Variants in MSX1 observed in about 807,000 individuals in gnomAD.
MSX1 encodes homeobox protein MSX-1.
MSX1 carries 11 observed loss-of-function variants against 17.0 expected under a neutral mutation model. The observed-to-expected ratio is 0.65, with a 90% CI of 0.41 to 1.07. The LOEUF is 1.07. Among genes scored for constraint, MSX1 ranks in the 50% least tolerant of loss-of-function variants. The probability of loss-of-function intolerance (pLI) is 0.00; values close to 1 mark genes in which losing one functional copy is unlikely to be tolerated. For synonymous variants in MSX1, 253 were observed against 211.8 expected (o/e 1.19, Z -1.69); for missense variants, 477 against 440.1 (o/e 1.08, Z -0.75).
rs1276268035 is a variant in MSX1, at chr4:4,863,307, C to T, written c.*164C>T. 4.1e-6 allele frequency: 3 copies of T among 734,016 alleles called. No individual in the cohort carries two copies. Among genetic ancestry groups the T allele is most frequent in the Non-Finnish European group, 6.7e-6 (3 of 448,404 alleles). The allele number at this position is 734,016 out of a possible 1,614,324, so 45.5% of individuals were successfully genotyped here. On this transcript the variant is annotated 3_prime_UTR_variant, in exon 2 of 2. Coordinates refer to ENST00000382723, the MANE Select transcript of MSX1 (RefSeq NM_002448.3). ...CTGAGTTCACTCTCCGAAGTCTGAT[C>T]CCTGCCAAAAAGTGGCTGGAAGAGT... is the stretch of plus-strand genomic sequence containing the variant.
rs35396883 is a variant in MSX1 at position 4,860,964 on chromosome 4, G to T, written c.469+596G>T. ...GGCACCAAGTCAATTAGGGGAAGGC[G>T]CCCCCGCTAATCCTATGGGAAGCTC... On this transcript the variant is annotated intron_variant, in intron 1 of 1. Transcript: ENST00000382723. Among the ~76,000 whole-genome samples the T allele has an allele frequency of 3.7e-3, 570 of 152,338 alleles. 4 individuals are homozygous for T. The highest frequency in any genetic ancestry group is 0.013 in the African/African-American group (526 of 41,586).
In MSX1 at chr4:4,862,814, C is replaced by A; in HGVS notation, c.583C>A (p.Gln195Lys). Residue 195 changes from glutamine to lysine, a missense_variant, in exon 2 of 2, where the codon CAG (glutamine) becomes AAG (lysine). Physicochemically the swap from Gln to Lys is moderately conservative, Grantham distance 53. Around this residue, in one of 3 missense-constraint regions of MSX1, gnomAD observed 355 missense variants for 306.1 expected, o/e 1.16. Transcript: ENST00000382723. ...LALERKFRQK[Q>K]YLSIAERAEF... ...GCTGGAGCGCAAGTTCCGCCAGAAG[C>A]AGTACCTGTCCATCGCCGAGCGCGC... 6.2e-7 allele frequency: 1 copy of A among 1,613,756 alleles called. No individual in the cohort carries two copies. Among genetic ancestry groups the A allele is most frequent in the Non-Finnish European group, 8.5e-7 (1 of 1,180,006 alleles).
chr4:4,860,263 G>A lies in MSX1; in HGVS notation c.364G>A (p.Gly122Arg), dbSNP rs775617431. 1 of 1,595,462 alleles carries A rather than the reference G, an allele frequency of 6.3e-7. No individual in the cohort carries two copies. The highest frequency in any genetic ancestry group is 1.1e-5 in the South Asian group (1 of 90,256). The change falls in exon 1 of 2, where the codon GGA becomes AGA. Residue 122 changes from glycine (G) to arginine (R), a missense_variant. Physicochemically the swap from Gly to Arg is moderately radical, Grantham distance 125. Transcript: ENST00000382723. ...GCCGCTCGGCCATTTCTCGGTGGGG[G>A]GACTCCTCAAGCTGCCAGAAGATGC... ...PRPLGHFSVG[G>R]LLKLPEDALV... is the part of the protein sequence containing the mutation.
chr4:4,860,124 C>T lies in MSX1; in HGVS notation c.225C>T (p.Ala75=). 6.6e-7 allele frequency: 1 copy of T among 1,515,108 alleles called. No individual in the cohort carries two copies. Among genetic ancestry groups the T allele is most frequent in the Non-Finnish European group, 8.8e-7 (1 of 1,136,558 alleles). The allele number at this position is 1,515,108 out of a possible 1,614,324, so 93.9% of individuals were successfully genotyped here. A position where few individuals can be genotyped will look rare whatever the true frequency, so the allele number is the denominator to read the frequency against. ...ALMADHRKPG[A]KESALAPSEG... ...TGGCCGACCACAGGAAGCCGGGGGC[C>T]AAGGAGAGCGCCCTGGCGCCCTCCG... is the stretch of plus-strand genomic sequence containing the variant. The change falls in exon 1 of 2, where the codon GCC becomes GCT. Residue 75 remains alanine, a synonymous_variant. Transcript: ENST00000382723.
Position 4,859,812 on chromosome 4 carries a change from C to T in MSX1, c.-88C>T. 2 of 1,207,438 alleles carry T rather than the reference C, an allele frequency of 1.7e-6. No homozygotes were observed. Among genetic ancestry groups the T allele is most frequent in the Non-Finnish European group, 2.1e-6 (2 of 951,258 alleles). 74.8% of individuals were successfully genotyped at this position (1,207,438 alleles called of 1,614,324 possible). ...CCGCCCGGCCAGGGCCCCGGGCGCT[C>T]GCAGAGGCCGGCCGCGCTCCCAGCC... On this transcript the variant is annotated 5_prime_UTR_variant, in exon 1 of 2. Coordinates refer to ENST00000382723, the MANE Select transcript of MSX1 (RefSeq NM_002448.3).
At chr4:4,861,444 T>A (rs1430568888) in intron 1 of MSX1, among the ~76,000 whole-genome samples, 1 of 152,268 alleles carries the variant, frequency 6.6e-6, no homozygotes, top group African/African-American at 2.4e-5. Flanking sequence ...ATCCTGGTGG[T>A]CTGAAAGTCC....
rs1451616951 is a variant in MSX1 at position 4,860,090 on chromosome 4, A to G, written c.191A>G (p.Glu64Gly). 2 of 1,521,590 alleles carry G rather than the reference A, an allele frequency of 1.3e-6. No homozygotes were observed. Among genetic ancestry groups the G allele is most frequent in the Non-Finnish European group, 1.8e-6 (2 of 1,137,322 alleles). 94.3% of individuals were successfully genotyped at this position (1,521,590 alleles called of 1,614,324 possible). The change falls in exon 1 of 2, where the codon GAG becomes GGG. Residue 64 changes from glutamate to glycine, a missense_variant. Glu to Gly is a moderately conservative substitution (Grantham distance 98). Coordinates refer to ENST00000382723, the MANE Select transcript of MSX1 (RefSeq NM_002448.3). ...VSPSLLPFSV[E>G]ALMADHRKPG... Reference sequence around the variant, plus strand: ...CCTTCGCTCCTGCCCTTCAGCGTGGAGGCGCTCATGGCCGACCACAGGAAG... The same window carrying G: ...CCTTCGCTCCTGCCCTTCAGCGTGGGGGCGCTCATGGCCGACCACAGGAAG...
Position 4,860,288 on chromosome 4 carries a change from C to T in MSX1, c.389C>T (p.Ala130Val), listed in dbSNP as rs1737882662. The T allele has an allele frequency of 3.1e-6, 5 of 1,600,240 alleles. No individual in the cohort carries two copies. The highest frequency in any genetic ancestry group is 1.3e-5 in the African/African-American group (1 of 74,844). The change falls in exon 1 of 2, where the codon GCG becomes GTG. Residue 130 changes from alanine to valine, a missense_variant. Ala to Val is a moderately conservative substitution (Grantham distance 64, BLOSUM62 0). Around this residue, in one of 3 missense-constraint regions of MSX1, gnomAD observed 355 missense variants for 306.1 expected, o/e 1.16. Transcript: ENST00000382723. Reference protein sequence around the residue: ...VGGLLKLPEDALVKAESPEKP... With the variant: ...VGGLLKLPEDVLVKAESPEKP... ...GGACTCCTCAAGCTGCCAGAAGATG[C>T]GCTCGTCAAAGCCGAGAGCCCCGAG... is the stretch of plus-strand genomic sequence containing the variant.
chr4:4,860,658 G>GATCC (rs1737894468), intron 1 of MSX1, among the ~76,000 whole-genome samples: 2 of 152,210 alleles, frequency 1.3e-5, no homozygotes, highest in African/African-American at 4.8e-5. Flanking sequence ...AGGGGTCCAT[G>GATCC]ATCCCTCATC....
chr4:4,859,953 C>T lies in MSX1; in HGVS notation c.54C>T (p.Asp18=). ...TSLPLGVKVE[D]SAFGKPAGGG... ...TGCCACTCGGTGTCAAAGTGGAGGA[C>T]TCCGCCTTCGGCAAGCCGGCGGGGG... The change falls in exon 1 of 2, where the codon GAC becomes GAT. Residue 18 remains aspartate, a synonymous_variant. Coordinates refer to ENST00000382723, the MANE Select transcript of MSX1 (RefSeq NM_002448.3). 1 of 1,495,778 alleles carries T rather than the reference C, an allele frequency of 6.7e-7. No individual in the cohort carries two copies. The highest frequency in any genetic ancestry group is 8.9e-7 in the Non-Finnish European group (1 of 1,123,214). 92.7% of individuals were successfully genotyped at this position (1,495,778 alleles called of 1,614,324 possible).
Position 4,863,254 on chromosome 4 carries a change from C to T in MSX1, c.*111C>T. ...CCAGCCGCCTTCCCTTTAACCCTCA[C>T]ACTGCTCCAGTTTCACCTCTTTGCT... On this transcript the variant is annotated 3_prime_UTR_variant, in exon 2 of 2. Transcript: ENST00000382723. 1.8e-6 allele frequency: 2 copies of T among 1,138,592 alleles called. No individual in the cohort carries two copies. The highest frequency in any genetic ancestry group is 1.4e-5 in the South Asian group (1 of 71,988). The allele number at this position is 1,138,592 out of a possible 1,614,324, so 70.5% of individuals were successfully genotyped here.
Position 4,860,014 on chromosome 4 carries a change from A to C in MSX1, c.115A>C (p.Thr39Pro). Reference protein sequence around the residue: ...AGQAPSAAAATAAAMGADEEG... With the variant: ...AGQAPSAAAAPAAAMGADEEG... ...CCAGGCCCCCAGCGCCGCCGCGGCC[A>C]CGGCAGCCGCCATGGGCGCGGACGA... The change falls in exon 1 of 2, where the codon ACG (threonine) becomes CCG (proline). Residue 39 changes from threonine to proline, a missense_variant. Thr to Pro is a conservative substitution (Grantham distance 38). Around this residue, in one of 3 missense-constraint regions of MSX1, gnomAD observed 355 missense variants for 306.1 expected, o/e 1.16. Coordinates refer to ENST00000382723, the MANE Select transcript of MSX1 (RefSeq NM_002448.3). 5 of 1,498,962 alleles carry C rather than the reference A, an allele frequency of 3.3e-6. No homozygotes were observed. Among genetic ancestry groups the C allele is most frequent in the Non-Finnish European group, 4.4e-6 (5 of 1,125,408 alleles). 92.9% of individuals were successfully genotyped at this position (1,498,962 alleles called of 1,614,324 possible). A position where few individuals can be genotyped will look rare whatever the true frequency, so the allele number is the denominator to read the frequency against.
Position 4,863,737 on chromosome 4 carries a change from C to G in MSX1, c.*594C>G, listed in dbSNP as rs1165404425. ...GCAAAGGTAGGTTGAAGGGACCTCT[C>G]TCTTACCAGTACCAGAAACACAATT... is the stretch of plus-strand genomic sequence containing the variant. On this transcript the variant is annotated 3_prime_UTR_variant, in exon 2 of 2. Transcript: ENST00000382723. 1 of 150,044 alleles carries G rather than the reference C, an allele frequency of 6.7e-6. No homozygotes were observed. Among genetic ancestry groups the G allele is most frequent in the Non-Finnish European group, 1.5e-5 (1 of 67,714 alleles). 9.3% of individuals were successfully genotyped at this position (150,044 alleles called of 1,614,324 possible).
chr4:4,863,820 C>G lies in MSX1; in HGVS notation c.*677C>G, dbSNP rs1442213029. On this transcript the variant is annotated 3_prime_UTR_variant, in exon 2 of 2. Coordinates refer to ENST00000382723, the MANE Select transcript of MSX1 (RefSeq NM_002448.3). Reference sequence around the variant, plus strand: ...TTTAACAGTACATTTGTGTGGCTCTCAAACATCCCTTTGGAAGGGATTGTG... The same window carrying G: ...TTTAACAGTACATTTGTGTGGCTCTGAAACATCCCTTTGGAAGGGATTGTG... The G allele has an allele frequency of 6.6e-6, 1 of 150,702 alleles. No individual in the cohort carries two copies. Among genetic ancestry groups the G allele is most frequent in the Non-Finnish European group, 1.5e-5 (1 of 67,774 alleles). 9.3% of individuals were successfully genotyped at this position (150,702 alleles called of 1,614,324 possible). A position where few individuals can be genotyped will look rare whatever the true frequency, so the allele number is the denominator to read the frequency against.
intron 1 of MSX1, among the ~76,000 whole-genome samples, chr4:4,861,915 A>G (rs1286266518): frequency 6.6e-6 from 1 of 152,006 alleles, no homozygotes; most frequent in Non-Finnish European, 1.5e-5. Flanking sequence ...ACACACACAC[A>G]CACACAAACG....
intron 1 of MSX1, among the ~76,000 whole-genome samples, chr4:4,861,135 T>C (rs763943883): frequency 6.6e-6 from 1 of 152,268 alleles, no homozygotes; most frequent in Non-Finnish European, 1.5e-5. Flanking sequence ...GTTTTCCTCG[T>C]TTCCTCCGAT....
intron 1 of MSX1, among the ~76,000 whole-genome samples, 184 bp downstream of exon 1, chr4:4,860,552 C>T (rs1737891410): frequency 6.6e-6 from 1 of 152,186 alleles, no homozygotes; most frequent in African/African-American, 2.4e-5. Context: ...GGTTCCAGAC[C>T]TCCTCGCCTT....
At chr4:4,862,642 T>G (rs771046674) in intron 1 of MSX1, 59 bp from the exon 2 acceptor site, 4 of 1,585,638 alleles carry the variant, frequency 2.5e-6, no homozygotes, top group Admixed American at 1.7e-5. Flanking sequence ...CTTCTTGGGC[T>G]GATCATGCTC....
intron 1 of MSX1, 135 bp downstream of exon 1, chr4:4,860,503 C>G (rs1212545753): frequency 8.8e-7 from 1 of 1,136,824 alleles, no homozygotes; most frequent in East Asian, 2.6e-5. Context: ...GGCTGCAAGG[C>G]CGGGTCTTGC....
Sources: allele counts gnomAD v4.1 joint callset (sites outside exome capture counted in the v4.1 genomes callset), GRCh38; gene constraint gnomAD v4.1.1; regional missense constraint gnomAD v4.1.1; transcripts MANE v1.5; gene names NCBI Gene and HGNC (gene_info 2026-07-23, HGNC 2026-07-21).